SLC8A1: variants seen among roughly 807,000 people sequenced by gnomAD.
SLC8A1 encodes the protein sodium/calcium exchanger 1.
SLC8A1 carries 18 observed loss-of-function variants against 68.3 expected under a neutral mutation model. The ratio of observed to expected loss-of-function variants is 0.26; its 90% CI spans 0.18 to 0.39. The LOEUF (loss-of-function observed/expected upper bound fraction) is 0.39, where lower values mean the gene tolerates loss of function less well. Among genes scored for constraint, SLC8A1 ranks in the 10% least tolerant of loss-of-function variants. The pLI, the probability that SLC8A1 is intolerant of heterozygous loss-of-function variation, is 1.00. For missense variants in SLC8A1, 985 were observed against 1,156.7 expected, an observed-to-expected ratio of 0.85 and a Z score of 2.15; for synonymous variants, 475 against 415.5, an observed-to-expected ratio of 1.14 and a Z score of -1.74.
intron 3 of SLC8A1, 104 bp from the exon 5 acceptor site, chr2:40,174,946 A>G: frequency 1.9e-6 from 2 of 1,048,562 alleles, no homozygotes; most frequent in African/African-American, 1.6e-5. Context: ...TACTTGCCAA[A>G]TTATATTTAC....
At chr2:40,380,904 AG>A (rs2149549470) in intron 2 of SLC8A1, among the ~76,000 whole-genome samples, 1 of 152,208 alleles carries the variant, frequency 6.6e-6, no homozygotes, top group East Asian at 1.9e-4. Flanking sequence ...GATCCAAAGT[AG>A]GGCAGTAAAA....
At chr2:40,172,417 CAGCCATA>C (rs1229848665) in intron 4 of SLC8A1, among the ~76,000 whole-genome samples, 1 of 151,976 alleles carries the variant, frequency 6.6e-6, no homozygotes, top group African/African-American at 2.4e-5. Flanking sequence ...ATTACAGTTT[CAGCCATA>C]GGAAGAACTT....
At chr2:40,454,435 C>A (rs900116189), upstream of SLC8A1, among the ~76,000 whole-genome samples, 11 of 143,904 alleles carry the variant, frequency 7.6e-5, no homozygotes, top group African/African-American at 2.6e-4. Flanking sequence ...GAACCCTGTT[C>A]TTTAAATGTT....
intron 2 of SLC8A1, among the ~76,000 whole-genome samples, chr2:40,184,793 G>A (rs395987): frequency 6.6e-6 from 1 of 151,050 alleles, no homozygotes; most frequent in Non-Finnish European, 1.5e-5. Flanking sequence ...AACCTGGCAA[G>A]TTCTCTGACC....
chr2:40,212,210 T>TAAGTC (rs1215870293), intron 2 of SLC8A1, among the ~76,000 whole-genome samples: 1 of 151,836 alleles, frequency 6.6e-6, no homozygotes, highest in South Asian at 2.1e-4. Flanking sequence ...GGAAGACTTT[T>TAAGTC]AAGTCATAGT....
chr2:40,471,501 C>T (rs926706538), intron 1 of SLC8A1, among the ~76,000 whole-genome samples: 4 of 152,112 alleles, frequency 2.6e-5, no homozygotes, highest in Non-Finnish European at 5.9e-5. Flanking sequence ...GAAATAGGGG[C>T]GTACTACCTC....
chr2:40,506,551 T>A (rs1315251321), intron 1 of SLC8A1, among the ~76,000 whole-genome samples: 1 of 151,930 alleles, frequency 6.6e-6, no homozygotes, highest in Non-Finnish European at 1.5e-5. Flanking sequence ...AATCTTTACA[T>A]TCCTCAGGAA....
At chr2:40,416,465 C>CA (rs1252488352) in intron 2 of SLC8A1, among the ~76,000 whole-genome samples, 1 of 151,902 alleles carries the variant, frequency 6.6e-6, no homozygotes, top group Non-Finnish European at 1.5e-5. Flanking sequence ...ATTTAGAAAA[C>CA]AAAAAAATAT....
chr2:40,260,446 C>CTCTTCACT (rs1295758470), intron 2 of SLC8A1, among the ~76,000 whole-genome samples: 1 of 152,184 alleles, frequency 6.6e-6, no homozygotes, highest in Admixed American at 6.5e-5. Flanking sequence ...TTCCAACCTA[C>CTCTTCACT]TCTGATTGAC....
chr2:40,217,721 C>T (rs190208725), intron 2 of SLC8A1, among the ~76,000 whole-genome samples: 27 of 152,252 alleles, frequency 1.8e-4, no homozygotes, highest in African/African-American at 4.1e-4. Flanking sequence ...AAAATTATCC[C>T]ATCTGTCAGT....
chr2:40,439,034 C>T (rs1299780615), intron 1 of SLC8A1, among the ~76,000 whole-genome samples: 1 of 152,062 alleles, frequency 6.6e-6, no homozygotes, highest in Non-Finnish European at 1.5e-5. Context: ...CTTTCCCTCT[C>T]ACAGACTGGG....
intron 2 of SLC8A1, among the ~76,000 whole-genome samples, chr2:40,414,886 A>T (rs934353105): frequency 6.6e-6 from 1 of 152,196 alleles, no homozygotes; most frequent in Non-Finnish European, 1.5e-5. Context: ...ACAATGATGT[A>T]TATTTATAAG....
chr2:40,127,122 C>T (rs1192698493), intron 7 of SLC8A1, among the ~76,000 whole-genome samples: 1 of 152,092 alleles, frequency 6.6e-6, no homozygotes, highest in East Asian at 1.9e-4. Flanking sequence ...TCAGTTTGGG[C>T]TTCCTAGTTA....
At chr2:40,491,036 GTCTC>G (rs1233348457) in intron 1 of SLC8A1, among the ~76,000 whole-genome samples, 1 of 152,012 alleles carries the variant, frequency 6.6e-6, no homozygotes, top group Non-Finnish European at 1.5e-5. Flanking sequence ...ACACGAAAGT[GTCTC>G]TCTCTCTATA....
intron 4 of SLC8A1, among the ~76,000 whole-genome samples, chr2:40,174,135 C>T (rs2048037714): frequency 6.6e-6 from 1 of 151,976 alleles, no homozygotes; most frequent in African/African-American, 2.4e-5. Flanking sequence ...AAACCTAAGT[C>T]CCCAGAGAAA....
At chr2:40,356,171 C>T (rs1340008617) in intron 2 of SLC8A1, among the ~76,000 whole-genome samples, 1 of 152,204 alleles carries the variant, frequency 6.6e-6, no homozygotes, top group Non-Finnish European at 1.5e-5. Context: ...GTTCCTTCCA[C>T]AGATATCAAA....
chr2:40,353,897 T>A (rs1018397184), intron 2 of SLC8A1, among the ~76,000 whole-genome samples: 1 of 152,206 alleles, frequency 6.6e-6, no homozygotes, highest in Admixed American at 6.5e-5. Flanking sequence ...GCCCGGTCTG[T>A]CTTCCTTGGA....
At chr2:40,490,082 A>G (rs1559766521) in intron 1 of SLC8A1, among the ~76,000 whole-genome samples, 2 of 152,112 alleles carry the variant, frequency 1.3e-5, no homozygotes, top group South Asian at 2.1e-4. Context: ...GACATTAAGC[A>G]TATGTAAGAT....
chr2:40,274,589 T>C lies in SLC8A1; in HGVS notation c.1809-96734A>G, dbSNP rs189169121. On this transcript the variant is annotated intron_variant, in intron 2 of 7. Transcript: ENST00000406785. ...AGACATTTTGCAAAAGATCAGATGA[T>C]GATACAAGCATATCAACAGGCTTCC... is the stretch of plus-strand genomic sequence containing the variant. Among the ~76,000 whole-genome samples, 321 of 152,286 alleles carry C rather than the reference T, an allele frequency of 2.1e-3. 4 individuals are homozygous for C. The highest frequency in any genetic ancestry group is 7.0e-3 in the African/African-American group (293 of 41,582).
Sources: allele counts gnomAD v4.1 joint callset (sites outside exome capture counted in the v4.1 genomes callset), GRCh38; gene constraint gnomAD v4.1.1; transcripts MANE v1.5; gene names NCBI Gene and HGNC (gene_info 2026-07-23, HGNC 2026-07-21).